Variants in CCT4 observed in about 807,000 individuals in gnomAD.
CCT4 encodes the protein chaperonin containing TCP1 subunit 4.
CCT4 carries 17 observed loss-of-function variants against 62.5 expected under a neutral mutation model. The ratio of observed to expected loss-of-function variants is 0.27; its 90% CI spans 0.19 to 0.41. The LOEUF (loss-of-function observed/expected upper bound fraction) is 0.41, where lower values mean the gene tolerates loss of function less well. CCT4 is among the 10% of genes least tolerant of loss of function. The probability of loss-of-function intolerance (pLI) is 1.00; values close to 1 mark genes in which losing one functional copy is unlikely to be tolerated. For synonymous variants in CCT4, 250 were observed against 229.9 expected (o/e 1.09, Z -0.79); for missense variants, 592 against 659.2 (o/e 0.90, Z 1.12).
chr2:61,874,954 G>C (rs906760625), intron 8 of CCT4, among the ~76,000 whole-genome samples: 2 of 152,002 alleles, frequency 1.3e-5, no homozygotes, highest in East Asian at 1.9e-4. Flanking sequence ...GGACCAGCCT[G>C]ACTAACAGAG....
chr2:61,876,092 C>T lies in CCT4; in HGVS notation c.917+3G>A. On this transcript the variant is annotated splice_donor_region_variant and intron_variant, in intron 8 of 13. Transcript: ENST00000394440. ...GGGATGAACAAAATAAATAGCCCCA[C>T]ACCTTAGAATAGATTTCTGTATGAG... 1.3e-6 allele frequency: 2 copies of T among 1,587,450 alleles called. No homozygotes were observed. The highest frequency in any genetic ancestry group is 1.7e-6 in the Non-Finnish European group (2 of 1,161,264).
rs553311850 is a variant in CCT4, at chr2:61,883,292, G to A, written c.270+167C>T. 3.2e-4 allele frequency among the ~76,000 whole-genome samples: 48 copies of A among 151,936 alleles called. No individual in the cohort carries two copies. The South Asian group carries it at 5.2e-3, about 16-fold the overall frequency. On this transcript the variant is annotated intron_variant, in intron 3 of 13. Coordinates refer to ENST00000394440, the MANE Select transcript of CCT4 (RefSeq NM_006430.4). ...AAAAATCAACCAGGCATGGTGGCAC[G>A]AGCCTGTAATCCCAGCTACTCAGGA...
At chr2:61,883,652 T>G (rs1039361814) in intron 2 of CCT4, 104 bp from the exon 3 acceptor site, 3 of 658,968 alleles carry the variant, frequency 4.6e-6, no homozygotes, top group African/African-American at 3.7e-5. Flanking sequence ...TGCAAAGTAC[T>G]TAATTTTAAA....
intron 8 of CCT4, among the ~76,000 whole-genome samples, chr2:61,873,554 C>CCATT: frequency 6.9e-6 from 1 of 145,608 alleles, no homozygotes. Context: ...TATTTTTTCC[C>CCATT]CATTTATTTA....
chr2:61,879,072 C>T, intron 4 of CCT4, 61 bp from the exon 5 acceptor site: 1 of 1,317,342 alleles, frequency 7.6e-7, no homozygotes, highest in Non-Finnish European at 1.0e-6. Context: ...TTTGACATGG[C>T]TTAAAAATTT....
chr2:61,888,608 A>G lies in CCT4; in HGVS notation c.-101T>C. The stretch of plus-strand genomic sequence containing the variant: ...CGGTAAGCCCTCACTGCCTTCACGA[A>G]CCTTCCAGAAAGCGGCGCCGGCGTC... On this transcript the variant is annotated 5_prime_UTR_variant, in exon 1 of 14. Transcript: ENST00000394440. 1 of 1,376,798 alleles carries G rather than the reference A, an allele frequency of 7.3e-7. No individual in the cohort carries two copies. The allele number at this position is 1,376,798 out of a possible 1,614,324, so 85.3% of individuals were successfully genotyped here.
At chr2:61,877,315 C>G (rs1009530694) in intron 6 of CCT4, 78 bp downstream of exon 6, 5 of 1,358,164 alleles carry the variant, frequency 3.7e-6, no homozygotes, top group Non-Finnish European at 5.2e-6. Flanking sequence ...TGACTTTCAT[C>G]TAGGTGTTTT....
chr2:61,878,450 T>A (rs1669045851), intron 5 of CCT4, among the ~76,000 whole-genome samples: 1 of 152,164 alleles, frequency 6.6e-6, no homozygotes, highest in African/African-American at 2.4e-5. Context: ...AAAATGGGGA[T>A]ATGACTATCT....
chr2:61,887,242 T>A (rs1669276034), intron 1 of CCT4, among the ~76,000 whole-genome samples: 1 of 152,240 alleles, frequency 6.6e-6, no homozygotes, highest in Non-Finnish European at 1.5e-5. Flanking sequence ...ACTATTACTT[T>A]TTCTTACATC....
At chr2:61,871,432 G>A (rs997364336) in intron 12 of CCT4, among the ~76,000 whole-genome samples, 19 of 152,002 alleles carry the variant, frequency 1.2e-4, no homozygotes, top group African/African-American at 4.1e-4. Flanking sequence ...GAACTGCTTG[G>A]TCCTTCTCAC....
At chr2:61,875,208 A>G (rs1465314624) in intron 8 of CCT4, among the ~76,000 whole-genome samples, 1 of 150,676 alleles carries the variant, frequency 6.6e-6, no homozygotes, top group Non-Finnish European at 1.5e-5. Flanking sequence ...TTGTAACTGC[A>G]AGGAAAAATA....
At chr2:61,879,558 A>G (rs1166621981) in intron 4 of CCT4, among the ~76,000 whole-genome samples, 1 of 150,406 alleles carries the variant, frequency 6.6e-6, no homozygotes, top group Non-Finnish European at 1.5e-5. Flanking sequence ...GATTACAAGT[A>G]TGAGTCACCG....
rs11429418 is a variant in CCT4 at position 61,885,086 on chromosome 2, G to GAA, written c.128-15_128-14insTT. 1,880 of 1,443,868 alleles carry GAA rather than the reference G, an allele frequency of 1.3e-3. 2 individuals carry two copies. Among genetic ancestry groups the GAA allele is most frequent in the Non-Finnish European group, 1.4e-3 (1,555 of 1,079,002 alleles). The allele number at this position is 1,443,868 out of a possible 1,614,324, so 89.4% of individuals were successfully genotyped here. A position where few individuals can be genotyped will look rare whatever the true frequency, so the allele number is the denominator to read the frequency against. ...CATCAGCAACCGCTGCAGATGGGGGGGAAAAAAAAGAAAACAAATTAGAAC... is the reference window on the plus strand; with the variant it reads ...CATCAGCAACCGCTGCAGATGGGGGGAAGAAAAAAAAGAAAACAAATTAGAAC... On this transcript the variant is annotated splice_polypyrimidine_tract_variant and intron_variant, in intron 1 of 13. Transcript: ENST00000394440.
intron 3 of CCT4, among the ~76,000 whole-genome samples, chr2:61,881,154 T>C (rs1362659736): frequency 6.6e-6 from 1 of 152,170 alleles, no homozygotes; most frequent in African/African-American, 2.4e-5. Flanking sequence ...CTCAGGACTA[T>C]CCAAGAAAAC....
At chr2:61,876,369 T>C (rs1379750412) in intron 7 of CCT4, 135 bp from the exon 8 acceptor site, 8 of 557,316 alleles carry the variant, frequency 1.4e-5, no homozygotes, top group East Asian at 1.2e-4. Context: ...TAGACATGCA[T>C]AGAAAAGAGT....
At position 61,872,331 on chromosome 2, in the gene CCT4, T is replaced by C. The variant is rs753697448; in HGVS notation, c.1257-15A>G. The stretch of plus-strand genomic sequence containing the variant: ...CAATAAGAGCCCTGAAATTCACAAA[T>C]ATATTTTTAGCTTATTTTATCCAAA... On this transcript the variant is annotated splice_polypyrimidine_tract_variant and intron_variant, in intron 11 of 13. Coordinates refer to ENST00000394440, the MANE Select transcript of CCT4 (RefSeq NM_006430.4). 5.1e-5 allele frequency: 80 copies of C among 1,554,242 alleles called. No individual in the cohort carries two copies. The highest frequency in any genetic ancestry group is 6.5e-5 in the Non-Finnish European group (74 of 1,138,528).
chr2:61,876,084 T>C lies in CCT4; in HGVS notation c.917+11A>G, dbSNP rs559448131. 67 of 1,557,300 alleles carry C rather than the reference T, an allele frequency of 4.3e-5. No individual in the cohort carries two copies. The East Asian group carries it at 1.2e-3, about 29-fold the overall frequency. On this transcript the variant is annotated intron_variant, in intron 8 of 13. Coordinates refer to ENST00000394440, the MANE Select transcript of CCT4 (RefSeq NM_006430.4). Reference sequence around the variant, plus strand: ...ATCATTAAGGGATGAACAAAATAAATAGCCCCACACCTTAGAATAGATTTC... The same window carrying C: ...ATCATTAAGGGATGAACAAAATAAACAGCCCCACACCTTAGAATAGATTTC...
chr2:61,881,177 C>A (rs1048938044), intron 3 of CCT4, among the ~76,000 whole-genome samples: 1 of 151,252 alleles, frequency 6.6e-6, no homozygotes, highest in East Asian at 1.9e-4. Context: ...CAAAACTTCA[C>A]GTAGCAGTGA....
chr2:61,888,646 A>C lies in CCT4; in HGVS notation c.-139T>G. Reference sequence around the variant, plus strand: ...CGGCGCCGGCGTCGGGAGGAGGCGGAGGCGGAGAAGGGGGCCTTCCTTGCC... The same window carrying C: ...CGGCGCCGGCGTCGGGAGGAGGCGGCGGCGGAGAAGGGGGCCTTCCTTGCC... On this transcript the variant is annotated 5_prime_UTR_variant, in exon 1 of 14. Transcript: ENST00000394440. 2 of 995,646 alleles carry C rather than the reference A, an allele frequency of 2.0e-6. 1 individual carries two copies. The highest frequency in any genetic ancestry group is 2.8e-6 in the Non-Finnish European group (2 of 704,196). The allele number at this position is 995,646 out of a possible 1,614,324, so 61.7% of individuals were successfully genotyped here.
Sources: gnomAD v4.1 joint callset for allele counts (sites outside exome capture counted in the v4.1 genomes callset) on GRCh38, gnomAD v4.1.1 for gene constraint, MANE v1.5 for transcripts, NCBI Gene and HGNC (gene_info 2026-07-23, HGNC 2026-07-21) for gene names.